Variants in FAM161A observed in about 807,000 individuals in gnomAD.
FAM161A encodes the protein FAM161 centrosomal protein A, also known as protein FAM161A.
A neutral mutation model predicts 70.9 loss-of-function variants in FAM161A; 57 were observed. The ratio of observed to expected loss-of-function variants is 0.80; its 90% CI spans 0.65 to 1.00. The LOEUF (loss-of-function observed/expected upper bound fraction) is 1.00, where lower values mean the gene tolerates loss of function less well. FAM161A is among the 50% of genes least tolerant of loss of function. FAM161A has a pLI of 0.00. For missense variants in FAM161A, 880 were observed against 836.0 expected (o/e 1.05, Z -0.65); for synonymous variants, 299 against 295.7 (o/e 1.01, Z -0.12).
chr2:61,828,795 T>C (rs1297437383), intron 5 of FAM161A, among the ~76,000 whole-genome samples: 2 of 152,322 alleles, frequency 1.3e-5, no homozygotes, highest in Middle Eastern at 6.8e-3. Context: ...ATCTGTAGAA[T>C]GTCACTTCCC....
the FAM161A span, among the ~76,000 whole-genome samples, chr2:61,805,042 C>G: frequency 1.1e-4 from 17 of 151,922 alleles, no homozygotes; most frequent in East Asian, 3.9e-4. Flanking sequence ...TGGAGGAAGT[C>G]ACGCCCATGA....
At chr2:61,835,079 G>A (rs1018720048) in intron 5 of FAM161A, among the ~76,000 whole-genome samples, 1 of 152,202 alleles carries the variant, frequency 6.6e-6, no homozygotes, top group Non-Finnish European at 1.5e-5. Flanking sequence ...AACTTTGAGA[G>A]ACTGTAATGT....
intron 5 of FAM161A, among the ~76,000 whole-genome samples, chr2:61,833,824 G>A (rs1672673625): frequency 2.0e-5 from 3 of 152,214 alleles, no homozygotes; most frequent in South Asian, 4.2e-4. Flanking sequence ...GAGGCCAGGA[G>A]TTCACGACCA....
At chr2:61,830,861 G>A (rs1210016027) in intron 5 of FAM161A, among the ~76,000 whole-genome samples, 4 of 151,446 alleles carry the variant, frequency 2.6e-5, no homozygotes, top group Admixed American at 6.6e-5. Context: ...CTGTAATCCC[G>A]GAACTTTGAG....
Position 61,840,040 on chromosome 2 carries a change from G to T in FAM161A, c.964C>A (p.Gln322Lys). The part of the protein sequence containing the change: ...EKSKEALLAS[Q>K]KPFKFIAREE... ...CTTGCTATAAATTTAAATGGCTTTT[G>T]TGAGGCCAAAAGAGCTTCTTTGCTT... Residue 322 changes from glutamine (Q) to lysine (K), a missense_variant, in exon 3 of 7, where the codon CAA (glutamine) becomes AAA (lysine). Coordinates refer to ENST00000404929, the MANE Select transcript of FAM161A (RefSeq NM_001201543.2). The T allele has an allele frequency of 6.2e-7, 1 of 1,614,128 alleles. No individual in the cohort carries two copies. The highest frequency in any genetic ancestry group is 8.5e-7 in the Non-Finnish European group (1 of 1,180,026).
At chr2:61,832,730 T>A (rs1672628459) in intron 5 of FAM161A, among the ~76,000 whole-genome samples, 1 of 152,132 alleles carries the variant, frequency 6.6e-6, no homozygotes, top group Non-Finnish European at 1.5e-5. Flanking sequence ...ATGCCAGGGA[T>A]CTAGGTTGCA....
the FAM161A span, among the ~76,000 whole-genome samples, chr2:61,819,340 TG>T: frequency 6.6e-6 from 1 of 152,128 alleles, no homozygotes; most frequent in African/African-American, 2.4e-5. Context: ...GGCGCATGCC[TG>T]TAGTCCCAGC....
At chr2:61,848,348 T>C (rs1234951302) in intron 1 of FAM161A, among the ~76,000 whole-genome samples, 1 of 152,234 alleles carries the variant, frequency 6.6e-6, no homozygotes, top group Non-Finnish European at 1.5e-5. Context: ...GATCTCACAG[T>C]GTTTAACCTA....
chr2:61,802,729 TGTATTCATTCA>T, the FAM161A span, among the ~76,000 whole-genome samples: 2 of 152,214 alleles, frequency 1.3e-5, no homozygotes, highest in African/African-American at 4.8e-5. Flanking sequence ...AATTTCTGCA[TGTATTCATTCA>T]GTCATCCTCC....
intron 5 of FAM161A, among the ~76,000 whole-genome samples, chr2:61,828,591 G>A (rs1672462826): frequency 6.6e-6 from 1 of 152,182 alleles, no homozygotes; most frequent in South Asian, 2.1e-4. Context: ...GCCTCCCAAA[G>A]TGCTGGGATT....
intron 1 of FAM161A, among the ~76,000 whole-genome samples, chr2:61,844,594 G>A (rs1037484757): frequency 1.3e-5 from 2 of 152,180 alleles, no homozygotes; most frequent in South Asian, 2.1e-4. Flanking sequence ...AGCTACTCGG[G>A]AGGCTGAAGC....
chr2:61,824,880 G>C lies in FAM161A; in HGVS notation c.*1575C>G. On this transcript the variant is annotated 3_prime_UTR_variant, in exon 7 of 7. Transcript: ENST00000404929. Reference sequence around the variant, plus strand: ...ACACACTCATTCAAACCTTTATTAAGTACCTACCATATGTACAATACTGTT... The same window carrying C: ...ACACACTCATTCAAACCTTTATTAACTACCTACCATATGTACAATACTGTT... The C allele has an allele frequency of 2.3e-6, 1 of 428,016 alleles. No individual in the cohort carries two copies. The highest frequency in any genetic ancestry group is 4.6e-6 in the Non-Finnish European group (1 of 219,086). 26.5% of individuals were successfully genotyped at this position (428,016 alleles called of 1,614,324 possible).
intron 1 of FAM161A, among the ~76,000 whole-genome samples, chr2:61,847,734 T>A (rs1379937976): frequency 6.6e-6 from 1 of 152,170 alleles, no homozygotes; most frequent in Non-Finnish European, 1.5e-5. Flanking sequence ...ATGGAGGCAC[T>A]GCACTCCAGC....
chr2:61,810,386 C>G, the FAM161A span, among the ~76,000 whole-genome samples: 1 of 151,018 alleles, frequency 6.6e-6, no homozygotes, highest in African/African-American at 2.4e-5. Context: ...GTTACTCACC[C>G]AATAATTCCT....
Position 61,839,489 on chromosome 2 carries a change from G to C in FAM161A, c.1515C>G (p.Asn505Lys). 6.2e-7 allele frequency: 1 copy of C among 1,614,152 alleles called. No individual in the cohort carries two copies. The highest frequency in any genetic ancestry group is 8.5e-7 in the Non-Finnish European group (1 of 1,180,034). ...GAGGGTTGCAGTTACAAGGCACAGG[G>C]TTTACACCTGCACATCTTACTGGTG... ...RKSPVRCAGV[N>K]PVPCNCNPPV... The change falls in exon 3 of 7, where the codon AAC becomes AAG. Residue 505 changes from asparagine (N) to lysine (K), a missense_variant. By Grantham distance (94) the Asn-to-Lys change is moderately conservative. Coordinates refer to ENST00000404929, the MANE Select transcript of FAM161A (RefSeq NM_001201543.2).
the FAM161A span, among the ~76,000 whole-genome samples, chr2:61,808,072 T>C: frequency 1.1e-4 from 17 of 152,226 alleles, no homozygotes; most frequent in South Asian, 2.3e-3. Context: ...AAGGATTTAT[T>C]TGGGAGGTGA....
downstream of FAM161A, among the ~76,000 whole-genome samples, chr2:61,822,570 G>T (rs1672224566): frequency 6.6e-6 from 1 of 152,094 alleles, no homozygotes; most frequent in Non-Finnish European, 1.5e-5. Context: ...AAGCAATGAG[G>T]TAATTTTTAT....
Position 61,825,605 on chromosome 2 carries a change from A to C in FAM161A, c.*850T>G. 2.3e-6 allele frequency: 1 copy of C among 442,550 alleles called. No individual in the cohort carries two copies. The highest frequency in any genetic ancestry group is 4.5e-6 in the Non-Finnish European group (1 of 224,040). The allele number at this position is 442,550 out of a possible 1,614,324, so 27.4% of individuals were successfully genotyped here. Reference sequence around the variant, plus strand: ...ACAGTAAACTCTCAGTGCAAAAATAAATGTAAATTTGCAAGTATCCATTTT... The same window carrying C: ...ACAGTAAACTCTCAGTGCAAAAATACATGTAAATTTGCAAGTATCCATTTT... On this transcript the variant is annotated 3_prime_UTR_variant, in exon 7 of 7. Transcript: ENST00000404929.
intron 1 of FAM161A, among the ~76,000 whole-genome samples, chr2:61,847,745 C>G (rs1370261327): frequency 6.6e-6 from 1 of 152,058 alleles, no homozygotes; most frequent in Non-Finnish European, 1.5e-5. Flanking sequence ...GCACTCCAGC[C>G]TGGGTAACAG....
Sources: gnomAD v4.1 joint callset for allele counts (sites outside exome capture counted in the v4.1 genomes callset) on GRCh38, gnomAD v4.1.1 for gene constraint, MANE v1.5 for transcripts, NCBI Gene and HGNC (gene_info 2026-07-23, HGNC 2026-07-21) for gene names.